Variants in YBEY observed in about 807,000 individuals in gnomAD.
YBEY encodes ybeY metalloendoribonuclease.
YBEY carries 15 observed loss-of-function variants against 13.5 expected under a neutral mutation model. The ratio of observed to expected loss-of-function variants is 1.11; its 90% confidence interval spans 0.75 to 1.72. The LOEUF is 1.72. YBEY is among the 40% of genes most tolerant of loss of function. The probability of loss-of-function intolerance (pLI) is 0.00; values close to 1 mark genes in which losing one functional copy is unlikely to be tolerated. For missense variants in YBEY, 244 were observed against 208.4 expected, an observed-to-expected ratio of 1.17 and a Z score of -1.05; for synonymous variants, 101 against 83.1, an observed-to-expected ratio of 1.21 and a Z score of -1.17.
chr21:46,287,045 C>A lies in YBEY; in HGVS notation c.132C>A (p.Asn44Lys). ...KFDLGIICVD[N>K]KNIQHINRIY... ...ACCTGGGGATCATCTGTGTTGACAA[C>A]AAGAATATTCAGCACATTAATAGAA... is the stretch of plus-strand genomic sequence containing the variant. The change falls in exon 2 of 5, where the codon AAC becomes AAA. Residue 44 changes from asparagine to lysine, a missense_variant. Physicochemically the swap from Asn to Lys is moderately conservative, Grantham distance 94 (BLOSUM62 0). Coordinates refer to ENST00000397701, the MANE Select transcript of YBEY (RefSeq NM_001314025.2). 1 of 1,612,974 alleles carries A rather than the reference C, an allele frequency of 6.2e-7. No homozygotes were observed. The highest frequency in any genetic ancestry group is 8.5e-7 in the Non-Finnish European group (1 of 1,179,834).
chr21:46,289,452 T>G (rs11701163), intron 2 of YBEY, among the ~76,000 whole-genome samples: 46,576 of 137,406 alleles, frequency 0.34, 8,088 homozygotes, highest in Middle Eastern at 0.42. Flanking sequence ...TTTTGTTTTT[T>G]TTTTTTTTTT....
chr21:46,304,018 TG>T, the YBEY span, among the ~76,000 whole-genome samples: 1,304 of 117,196 alleles, frequency 0.011, 17 homozygotes, highest in Non-Finnish European at 0.015. Flanking sequence ...CCCAAAGTGC[TG>T]GTTTTTTTTT....
At chr21:46,309,041 A>C in the YBEY span, among the ~76,000 whole-genome samples, 1 of 152,192 alleles carries the variant, frequency 6.6e-6, no homozygotes, top group South Asian at 2.1e-4. Flanking sequence ...AGATTTGGCC[A>C]GGCGCAGTGG....
At chr21:46,297,148 G>T (rs1190965082) in intron 4 of YBEY, among the ~76,000 whole-genome samples, 1 of 150,880 alleles carries the variant, frequency 6.6e-6, no homozygotes, top group Non-Finnish European at 1.5e-5. Flanking sequence ...AAAACGCAAA[G>T]ATTAGCCGGG....
At chr21:46,300,701 G>C, downstream of YBEY, 2 of 1,285,556 alleles carry the variant, frequency 1.6e-6, no homozygotes, top group Non-Finnish European at 2.0e-6. Context: ...GCAACTCTCT[G>C]GTCATCCTGT....
At chr21:46,301,406 T>TA (rs1343578764), downstream of YBEY, 3 of 912,846 alleles carry the variant, frequency 3.3e-6, no homozygotes, top group South Asian at 5.0e-5. Flanking sequence ...CTCAGCCTCT[T>TA]AAAGTGCTGG....
rs200740539 is a variant in YBEY, at chr21:46,296,242, A to G, written c.408+12A>G. ...CAGAGTGGCAGCAGGTAAGGAGCCC[A>G]TCCATCCCACTACCGAGGGGGTGCG... On this transcript the variant is annotated intron_variant, in intron 4 of 4. Transcript: ENST00000397701. The G allele has an allele frequency of 3.7e-6, 6 of 1,613,168 alleles. No individual in the cohort carries two copies. Among genetic ancestry groups the G allele is most frequent in the African/African-American group, 1.3e-5 (1 of 75,028 alleles).
At chr21:46,311,430 C>T in the YBEY span, 5 of 1,402,468 alleles carry the variant, frequency 3.6e-6, no homozygotes, top group Admixed American at 5.9e-5. Flanking sequence ...CCTCAACCCA[C>T]AACAATATGA....
chr21:46,307,452 A>ACACACACACCCACT, the YBEY span, among the ~76,000 whole-genome samples: 3 of 152,128 alleles, frequency 2.0e-5, no homozygotes, highest in Non-Finnish European at 4.4e-5. Context: ...ACACACCCAC[A>ACACACACACCCACT]CACACACCCC....
At chr21:46,312,650 A>G in the YBEY span, among the ~76,000 whole-genome samples, 9 of 152,170 alleles carry the variant, frequency 5.9e-5, no homozygotes, top group South Asian at 4.1e-4. Flanking sequence ...GATTACAGGC[A>G]TGAGCCACCA....
chr21:46,286,944 G>A lies in YBEY; in HGVS notation c.31G>A (p.Val11Ile). 6.2e-7 allele frequency: 1 copy of A among 1,614,040 alleles called. No homozygotes were observed. The highest frequency in any genetic ancestry group is 8.5e-7 in the Non-Finnish European group (1 of 1,180,008). Residue 11 changes from valine to isoleucine, a missense_variant, in exon 2 of 5, where the codon GTC becomes ATC. Val to Ile is a conservative substitution (Grantham distance 29). Coordinates refer to ENST00000397701, the MANE Select transcript of YBEY (RefSeq NM_001314025.2). ...TTTGGTGATTAGAAATCTGCAGCGA[G>A]TCATCCCCATCAGGAGAGCGCCACT... MSLVIRNLQR[V>I]IPIRRAPLRS...
chr21:46,298,143 C>T (rs918399287), downstream of YBEY, among the ~76,000 whole-genome samples: 5 of 152,236 alleles, frequency 3.3e-5, no homozygotes. Context: ...GGCGAGGCCG[C>T]CGAGCAGCAC....
At chr21:46,293,382 CTAGAT>C (rs1304165324) in intron 3 of YBEY, among the ~76,000 whole-genome samples, 1 of 32,892 alleles carries the variant, frequency 3.0e-5, no homozygotes, top group Non-Finnish European at 7.3e-5. Flanking sequence ...AAGTTAGACT[CTAGAT>C]TAAATTCCTC....
chr21:46,307,859 T>G, the YBEY span, among the ~76,000 whole-genome samples: 1 of 152,184 alleles, frequency 6.6e-6, no homozygotes, highest in African/African-American at 2.4e-5. Flanking sequence ...CAACCACCAC[T>G]GCATCCTGTT....
At chr21:46,289,017 C>G (rs572270326) in intron 2 of YBEY, among the ~76,000 whole-genome samples, 2 of 152,100 alleles carry the variant, frequency 1.3e-5, no homozygotes, top group African/African-American at 2.4e-5. Flanking sequence ...GAGTAACACC[C>G]TTTTTCAAAA....
At chr21:46,309,294 C>A in the YBEY span, among the ~76,000 whole-genome samples, 64 of 152,184 alleles carry the variant, frequency 4.2e-4, no homozygotes, top group African/African-American at 1.4e-3. Flanking sequence ...AACCCCGTCT[C>A]TACTAAAAAC....
In YBEY at chr21:46,296,236, G is replaced by A; in HGVS notation, c.408+6G>A. On this transcript the variant is annotated splice_donor_region_variant and intron_variant, in intron 4 of 4. Transcript: ENST00000397701. The stretch of plus-strand genomic sequence containing the variant: ...CGGAGGCAGAGTGGCAGCAGGTAAG[G>A]AGCCCATCCATCCCACTACCGAGGG... 1 of 1,613,432 alleles carries A rather than the reference G, an allele frequency of 6.2e-7. No homozygotes were observed. The highest frequency in any genetic ancestry group is 8.5e-7 in the Non-Finnish European group (1 of 1,180,020).
chr21:46,309,430 C>G, the YBEY span, among the ~76,000 whole-genome samples: 1 of 145,120 alleles, frequency 6.9e-6, no homozygotes, highest in African/African-American at 2.6e-5. Context: ...CCACTTCACT[C>G]AAGCCTGGGC....
chr21:46,287,766 G>A (rs1370671759), intron 2 of YBEY, among the ~76,000 whole-genome samples: 1 of 152,042 alleles, frequency 6.6e-6, no homozygotes, highest in Non-Finnish European at 1.5e-5. Context: ...CGAGGCGGGT[G>A]GTTCACCTGA....
Sources: allele counts gnomAD v4.1 joint callset (sites outside exome capture counted in the v4.1 genomes callset), GRCh38; gene constraint gnomAD v4.1.1; transcripts MANE v1.5; gene names NCBI Gene and HGNC (gene_info 2026-07-23, HGNC 2026-07-21).